Variants in STS observed in about 807,000 individuals in gnomAD.
STS encodes the protein steryl-sulfatase.
STS carries 7 observed loss-of-function variants against 26.8 expected under a neutral mutation model. The observed-to-expected ratio is 0.26, with a 90% CI of 0.15 to 0.49. The LOEUF (loss-of-function observed/expected upper bound fraction) is 0.49, where lower values mean the gene tolerates loss of function less well. Among genes scored for constraint, STS ranks in the 20% least tolerant of loss-of-function variants. The pLI is 0.98. For synonymous variants in STS, 199 were observed against 189.4 expected (o/e 1.05, Z -0.42); for missense variants, 434 against 465.6 (o/e 0.93, Z 0.63).
At chrX:7,161,479 A>G (rs1933244533) in intron 1 of STS, among the ~76,000 whole-genome samples, 1 of 112,158 alleles carries the variant, frequency 8.9e-6, no homozygotes, top group African/African-American at 3.2e-5. Flanking sequence ...AACTTTTGCA[A>G]TGCATGCTGT....
chrX:7,179,650 T>A (rs1324640738), intron 1 of STS, among the ~76,000 whole-genome samples: 2 of 112,396 alleles, frequency 1.8e-5, no homozygotes, highest in Non-Finnish European at 3.7e-5. Flanking sequence ...CTGTTAGGCA[T>A]CTGAGATTAG....
chrX:7,254,474 A>G lies in STS; in HGVS notation c.137+1138A>G, dbSNP rs778296354. On this transcript the variant is annotated intron_variant, in intron 3 of 10. Transcript: ENST00000674429. ...ATGGCATAAAAATAGTTCTATGGAG[A>G]GCTTCATCACATGAAAGATCAATAC... Among the ~76,000 whole-genome samples, 12 of 110,799 alleles carry G rather than the reference A, an allele frequency of 1.1e-4. No homozygotes were observed. The South Asian group carries it at 4.6e-3, about 43-fold the overall frequency.
At chrX:7,148,208 G>C in intron 1 of STS, 125 bp downstream of exon 1, 2 of 518,148 alleles carry the variant, frequency 3.9e-6, no homozygotes, top group Non-Finnish European at 5.7e-6. Flanking sequence ...TCGCGCGCCC[G>C]GGGTCGCTCT....
intron 2 of STS, among the ~76,000 whole-genome samples, chrX:7,203,999 G>A (rs762439980): frequency 8.1e-5 from 9 of 111,293 alleles, no homozygotes; most frequent in South Asian, 7.6e-4. Flanking sequence ...TGCGCAGGCT[G>A]CTCTCAAACT....
intron 1 of STS, among the ~76,000 whole-genome samples, chrX:7,183,738 T>G (rs1933724013): frequency 8.9e-6 from 1 of 112,147 alleles, no homozygotes; most frequent in African/African-American, 3.2e-5. Flanking sequence ...GCATAGTGGC[T>G]CATGCCTAAT....
intron 1 of STS, among the ~76,000 whole-genome samples, chrX:7,149,265 A>C (rs905331293): frequency 1.8e-5 from 2 of 111,319 alleles, no homozygotes; most frequent in African/African-American, 6.5e-5. Flanking sequence ...AAAAAGGTGT[A>C]AACATGAGAG....
chrX:7,344,143 A>G (rs1928418469), intron 10 of STS, among the ~76,000 whole-genome samples: 2 of 111,651 alleles, frequency 1.8e-5, no homozygotes, highest in Admixed American at 1.9e-4. Context: ...GGGAGTGGCG[A>G]ATTTGTGCTA....
At chrX:7,339,149 T>C (rs1213190602) in intron 10 of STS, among the ~76,000 whole-genome samples, 3 of 112,203 alleles carry the variant, frequency 2.7e-5, no homozygotes, top group African/African-American at 9.7e-5. Context: ...CAGCCACTTA[T>C]GAGTTAACAG....
intron 2 of STS, among the ~76,000 whole-genome samples, chrX:7,206,114 G>A (rs372068524): frequency 1.5e-4 from 17 of 111,424 alleles, no homozygotes; most frequent in African/African-American, 3.9e-4. Context: ...TTCCTTCATC[G>A]TTTTGGGCCC....
intron 1 of STS, among the ~76,000 whole-genome samples, chrX:7,152,171 C>T (rs772290802): frequency 8.4e-4 from 93 of 110,277 alleles, no homozygotes; most frequent in African/African-American, 3.0e-3. Context: ...CCAGGATGGT[C>T]TCGATTTCCT....
At chrX:7,254,655 A>T (rs1923316575) in intron 3 of STS, among the ~76,000 whole-genome samples, 2 of 91,935 alleles carry the variant, frequency 2.2e-5, no homozygotes, top group African/African-American at 8.7e-5. Context: ...GATCTCGGGG[A>T]TCACTGCAAT....
At position 7,148,191 on chromosome X, in the gene STS, G is replaced by A. The variant is rs1056966147; in HGVS notation, c.-134+108G>A. The stretch of plus-strand genomic sequence containing the variant: ...GCCCGCCCCGCGCACGCGCACTGAG[G>A]ACCTTCTCGCGCGCCCGGGGTCGCT... On this transcript the variant is annotated intron_variant, in intron 1 of 10. Coordinates refer to ENST00000674429, the MANE Select transcript of STS (RefSeq NM_001320752.2). The A allele has an allele frequency of 8.9e-6, 6 of 672,424 alleles. No homozygotes were observed. The African/African-American group carries it at 1.4e-4, about 16-fold the overall frequency. The allele number at this position is 672,424 out of a possible 1,213,427, so 55.4% of individuals were successfully genotyped here.
At chrX:7,180,005 A>G (rs1191703164) in intron 1 of STS, among the ~76,000 whole-genome samples, 2 of 111,527 alleles carry the variant, frequency 1.8e-5, no homozygotes, top group African/African-American at 6.5e-5. Flanking sequence ...TTGTATGCAT[A>G]TGAAGCATAG....
intron 8 of STS, among the ~76,000 whole-genome samples, chrX:7,309,770 G>A (rs2039615132): frequency 9.0e-6 from 1 of 111,087 alleles, no homozygotes; most frequent in South Asian, 3.8e-4. Context: ...TAATAGGACT[G>A]TTTCATTTCT....
intron 2 of STS, among the ~76,000 whole-genome samples, chrX:7,248,873 G>A: frequency 9.1e-6 from 1 of 110,172 alleles, no homozygotes; most frequent in Non-Finnish European, 1.9e-5. Context: ...CAATTCCCCT[G>A]GGATTGAGTA....
intron 7 of STS, among the ~76,000 whole-genome samples, chrX:7,303,517 C>T (rs755141088): frequency 4.5e-5 from 5 of 110,840 alleles, no homozygotes; most frequent in Non-Finnish European, 3.8e-5. Context: ...AAGGAGGGAG[C>T]GCCCAGGATT....
intron 6 of STS, 116 bp downstream of exon 6, chrX:7,259,888 T>C: frequency 2.0e-5 from 19 of 971,848 alleles, no homozygotes; most frequent in Non-Finnish European, 2.7e-5. Context: ...GTTTGTTCGT[T>C]TTTTTGAGAC....
chrX:7,210,563 A>G (rs1921000642), intron 2 of STS, among the ~76,000 whole-genome samples: 1 of 107,498 alleles, frequency 9.3e-6, no homozygotes, highest in South Asian at 3.7e-4. Context: ...CATATTAAAT[A>G]TATAAATTGA....
chrX:7,204,495 TCCTC>T (rs1216910024), intron 2 of STS, among the ~76,000 whole-genome samples: 2 of 100,434 alleles, frequency 2.0e-5, no homozygotes, highest in South Asian at 5.2e-4. Flanking sequence ...CTCCCTTCCT[TCCTC>T]CCTCCCTCCT....
Sources: allele counts gnomAD v4.1 joint callset (sites outside exome capture counted in the v4.1 genomes callset), GRCh38; gene constraint gnomAD v4.1.1; transcripts MANE v1.5; gene names NCBI Gene and HGNC (gene_info 2026-07-23, HGNC 2026-07-21).